The following PEX1 variants were observed in gnomAD, a reference collection of about 807,000 sequenced individuals.
The protein encoded by PEX1 is peroxisomal biogenesis factor 1, also known as peroxisomal ATPase PEX1.
A neutral mutation model predicts 152.5 loss-of-function variants in PEX1; 97 were observed. That is an observed-to-expected ratio of 0.64 (90% CI 0.54 to 0.75). The LOEUF is 0.75. Ranked by LOEUF, PEX1 falls within the 30% of genes least tolerant of loss-of-function variation. PEX1 has a pLI of 0.00. For missense variants in PEX1, 1,357 were observed against 1,516.3 expected (o/e 0.89, Z 1.74); for synonymous variants, 485 against 531.6 (o/e 0.91, Z 1.21).
At chr7:92,518,644 A>G (rs1792915525) in intron 3 of PEX1, among the ~76,000 whole-genome samples, 1 of 152,230 alleles carries the variant, frequency 6.6e-6, no homozygotes, top group Non-Finnish European at 1.5e-5. Flanking sequence ...ATCCTGACTC[A>G]CTGCAGCCTT....
intron 1 of PEX1, among the ~76,000 whole-genome samples, chr7:92,523,977 T>C (rs1793158895): frequency 6.6e-6 from 1 of 152,152 alleles, no homozygotes; most frequent in Non-Finnish European, 1.5e-5. Flanking sequence ...GACAGGAGGA[T>C]TGTTTGAGCC....
At position 92,517,886 on chromosome 7, in the gene PEX1, A is replaced by G. The variant is rs757244597; in HGVS notation, c.629T>C (p.Met210Thr). 2.6e-6 allele frequency: 4 copies of G among 1,547,728 alleles called. No homozygotes were observed. In the African/African-American group the frequency reaches 4.2e-5, roughly 16 times the overall value. ...AAGTTGCTTGGTTTGAAGTTCTTTC[A>G]TCATTCCTTTCTGGTCTCTTCCATA... ...HSYGRDQKGM[M>T]KELQTKQLQS... Residue 210 changes from methionine to threonine, a missense_variant, in exon 5 of 24, where the codon ATG becomes ACG. By Grantham distance (81) the Met-to-Thr change is moderately conservative. Transcript: ENST00000248633.
chr7:92,502,853 T>C (rs895398864), intron 13 of PEX1, among the ~76,000 whole-genome samples, 188 bp downstream of exon 13: 1 of 152,250 alleles, frequency 6.6e-6, no homozygotes, highest in Admixed American at 6.5e-5. Context: ...GGAAAGCGCA[T>C]ACTAACATTT....
rs1164758706 is a variant in PEX1 at position 92,487,547 on chromosome 7, AAAAG to A, written c.3768-10_3768-7del. 2.8e-6 allele frequency: 4 copies of A among 1,432,024 alleles called. No individual in the cohort carries two copies. Among genetic ancestry groups the A allele is most frequent in the Non-Finnish European group, 2.9e-6 (3 of 1,018,786 alleles). The allele number at this position is 1,432,024 out of a possible 1,614,324, so 88.7% of individuals were successfully genotyped here. On this transcript the variant is annotated splice_region_variant and splice_polypyrimidine_tract_variant and intron_variant, in intron 23 of 23. Coordinates refer to ENST00000248633, the MANE Select transcript of PEX1 (RefSeq NM_000466.3). Reference sequence around the variant, plus strand: ...GATTTTGAAAGCTTTCATATCTGAAAAAAGAAAGAGATAATTTAATATGTATAAA... The same window carrying A: ...GATTTTGAAAGCTTTCATATCTGAAAAAAGAGATAATTTAATATGTATAAA...
intron 5 of PEX1, among the ~76,000 whole-genome samples, chr7:92,516,744 T>C (rs1020100880): frequency 6.6e-5 from 10 of 152,186 alleles, no homozygotes; most frequent in African/African-American, 2.4e-4. Flanking sequence ...CTCTCCGTTA[T>C]ACACAAATTA....
Position 92,511,029 on chromosome 7 carries a change from A to G in PEX1, c.1502T>C (p.Leu501Pro). ...ETKDGLKEFS[L>P]SIVHSWEKEK... is the part of the protein sequence containing the mutation. The stretch of plus-strand genomic sequence containing the variant: ...TTTTTCCCAAGAATGAACTATACTC[A>G]GAGAAAATTCCTTCAGTCCTATTAA... The change falls in exon 8 of 24, where the codon CTG becomes CCG. Residue 501 changes from leucine (L) to proline (P), a missense_variant. Coordinates refer to ENST00000248633, the MANE Select transcript of PEX1 (RefSeq NM_000466.3). 2 of 1,531,788 alleles carry G rather than the reference A, an allele frequency of 1.3e-6. No homozygotes were observed. Among genetic ancestry groups the G allele is most frequent in the Non-Finnish European group, 9.0e-7 (1 of 1,106,430 alleles). The allele number at this position is 1,531,788 out of a possible 1,614,324, so 94.9% of individuals were successfully genotyped here. A position where few individuals can be genotyped will look rare whatever the true frequency, so the allele number is the denominator to read the frequency against.
At chr7:92,513,546 G>C (rs895741340) in intron 6 of PEX1, among the ~76,000 whole-genome samples, 17 of 152,252 alleles carry the variant, frequency 1.1e-4, no homozygotes, top group African/African-American at 4.1e-4. Flanking sequence ...CCAGGGACTG[G>C]GGAAAGGAGT....
intron 10 of PEX1, chr7:92,506,628 TAGAA>T (rs1390179583): frequency 2.0e-6 from 1 of 504,864 alleles, no homozygotes; most frequent in East Asian, 3.7e-5. Context: ...CTCAGCAATG[TAGAA>T]AGAATGATAC....
Position 92,528,346 on chromosome 7 carries a change from G to T in PEX1, c.90C>A (p.His30Gln). 6.3e-7 allele frequency: 1 copy of T among 1,576,170 alleles called. No individual in the cohort carries two copies. The highest frequency in any genetic ancestry group is 8.6e-7 in the Non-Finnish European group (1 of 1,162,966). ...GCTGGGCCACGAGACGCCGCGGCAG[G>T]TGGAGGAAGCAGTCGCGAGCGTTGG... is the stretch of plus-strand genomic sequence containing the variant. ...AFTNARDCFL[H>Q]LPRRLVAQLH... Residue 30 changes from histidine to glutamine, a missense_variant, in exon 1 of 24, where the codon CAC becomes CAA. Transcript: ENST00000248633.
At position 92,528,463 on chromosome 7, in the gene PEX1, C is replaced by G. The variant is rs1294955044; in HGVS notation, c.-28G>C. 2.6e-6 allele frequency: 4 copies of G among 1,562,078 alleles called. No individual in the cohort carries two copies. Among genetic ancestry groups the G allele is most frequent in the Non-Finnish European group, 3.5e-6 (4 of 1,156,618 alleles). On this transcript the variant is annotated 5_prime_UTR_variant, in exon 1 of 24. Coordinates refer to ENST00000248633, the MANE Select transcript of PEX1 (RefSeq NM_000466.3). ...TCCCGGAGCGTCGCTCTGGGTTCGC[C>G]CACCCTAGCGCCGCAAAGGACCCGG... is the stretch of plus-strand genomic sequence containing the variant.
In PEX1 at chr7:92,528,476, G is replaced by C. The variant is rs746022877; in HGVS notation, c.-41C>G. 1 of 1,537,362 alleles carries C rather than the reference G, an allele frequency of 6.5e-7. No homozygotes were observed. The highest frequency in any genetic ancestry group is 8.8e-7 in the Non-Finnish European group (1 of 1,142,788). The stretch of plus-strand genomic sequence containing the variant: ...CTCTGGGTTCGCCCACCCTAGCGCC[G>C]CAAAGGACCCGGGACCCGGCAGGCC... On this transcript the variant is annotated 5_prime_UTR_variant, in exon 1 of 24. Transcript: ENST00000248633.
Position 92,509,361 on chromosome 7 carries a change from A to T in PEX1, c.1638T>A (p.Phe546Leu), listed in dbSNP as rs1397315670. ...VKEENSEEIDFILPFLKLSSL... is the reference protein window; with the variant it reads ...VKEENSEEIDLILPFLKLSSL... Reference sequence around the variant, plus strand: ...AGCTCAGCTTTAAAAAAGGAAGAATAAAGTCAATTTCCTCACTGTTTTCTT... The same window carrying T: ...AGCTCAGCTTTAAAAAAGGAAGAATTAAGTCAATTTCCTCACTGTTTTCTT... Residue 546 changes from phenylalanine to leucine, a missense_variant, in exon 9 of 24, where the codon TTT (phenylalanine) becomes TTA (leucine). By Grantham distance (22) the Phe-to-Leu change is conservative. Transcript: ENST00000248633. 3 of 1,613,084 alleles carry T rather than the reference A, an allele frequency of 1.9e-6. No individual in the cohort carries two copies.
At chr7:92,511,838 T>C in intron 6 of PEX1, 135 bp from the exon 7 acceptor site, 2 of 772,664 alleles carry the variant, frequency 2.6e-6, no homozygotes, top group South Asian at 1.7e-5. Context: ...TCATGTTCTA[T>C]AGGCACAGGT....
chr7:92,495,273 AGAT>A (rs1210712184), intron 17 of PEX1, among the ~76,000 whole-genome samples: 1 of 152,202 alleles, frequency 6.6e-6, no homozygotes, highest in Non-Finnish European at 1.5e-5. Context: ...CAGGTGGACT[AGAT>A]GTCTGGCGAA....
chr7:92,487,570 G>A (rs1432414559), intron 23 of PEX1, 29 bp from the exon 24 acceptor site: 2 of 982,664 alleles, frequency 2.0e-6, no homozygotes, highest in Admixed American at 1.8e-5. Context: ...AATTTAATAT[G>A]TATAAATACT....
chr7:92,504,965 C>G, intron 11 of PEX1, 63 bp from the exon 12 acceptor site: 1 of 1,261,426 alleles, frequency 7.9e-7, no homozygotes, highest in Non-Finnish European at 1.2e-6. Flanking sequence ...TTCAGGTTGT[C>G]CTTTTGAAAG....
rs1791553570 is a variant in PEX1, at chr7:92,494,576, G to A, written c.2837C>T (p.Ala946Val). 2.5e-6 allele frequency: 4 copies of A among 1,613,798 alleles called. No individual in the cohort carries two copies. The African/African-American group carries it at 4.0e-5, about 16-fold the overall frequency. The change falls in exon 18 of 24, where the codon GCT (alanine) becomes GTT (valine). Residue 946 changes from alanine (A) to valine (V), a missense_variant. By Grantham distance (64) the Ala-to-Val change is moderately conservative (BLOSUM62 0). Coordinates refer to ENST00000248633, the MANE Select transcript of PEX1 (RefSeq NM_000466.3). ...TGTATTATCATGACCCCGCCGAGGA[G>A]CAATGGATTCAAATTCATCAAAGAA... is the stretch of plus-strand genomic sequence containing the variant. ...ILFFDEFESI[A>V]PRRGHDNTGV...
Position 92,517,889 on chromosome 7 carries a change from A to G in PEX1, c.626T>C (p.Met209Thr), listed in dbSNP as rs1792873360. 6.5e-7 allele frequency: 1 copy of G among 1,548,884 alleles called. No individual in the cohort carries two copies. Among genetic ancestry groups the G allele is most frequent in the African/African-American group, 1.4e-5 (1 of 72,234 alleles). The change falls in exon 5 of 24, where the codon ATG becomes ACG. Residue 209 changes from methionine (M) to threonine (T), a missense_variant. Transcript: ENST00000248633. ...TTGCTTGGTTTGAAGTTCTTTCATC[A>G]TTCCTTTCTGGTCTCTTCCATAACT... ...LHSYGRDQKG[M>T]MKELQTKQLQ...
At chr7:92,524,427 C>T (rs1019605827) in intron 1 of PEX1, among the ~76,000 whole-genome samples, 7 of 152,110 alleles carry the variant, frequency 4.6e-5, no homozygotes, top group Admixed American at 2.0e-4. Flanking sequence ...ACCAAATGCC[C>T]GGCTAATTTT....
Sources: allele counts gnomAD v4.1 joint callset (sites outside exome capture counted in the v4.1 genomes callset), GRCh38; gene constraint gnomAD v4.1.1; transcripts MANE v1.5; gene names NCBI Gene and HGNC (gene_info 2026-07-23, HGNC 2026-07-21).